The following CNTN5 variants were observed in gnomAD, a reference collection of about 807,000 sequenced individuals.
The protein encoded by CNTN5 is contactin-5.
CNTN5 carries 77 observed loss-of-function variants against 129.1 expected under a neutral mutation model. The observed-to-expected ratio is 0.60, with a 90% confidence interval of 0.50 to 0.72. The LOEUF (loss-of-function observed/expected upper bound fraction) is 0.72, where lower values mean the gene tolerates loss of function less well. Ranked by LOEUF, CNTN5 falls within the 30% of genes least tolerant of loss-of-function variation. The probability of loss-of-function intolerance (pLI) is 0.00; values close to 1 mark genes in which losing one functional copy is unlikely to be tolerated. For missense variants in CNTN5, 1,478 were observed against 1,328.8 expected (o/e 1.11, Z -1.75); for synonymous variants, 509 against 465.6 (o/e 1.09, Z -1.20).
At chr11:99,850,976 T>G (rs1050698502) in intron 6 of CNTN5, among the ~76,000 whole-genome samples, 6 of 152,196 alleles carry the variant, frequency 3.9e-5, no homozygotes, top group African/African-American at 1.2e-4. Flanking sequence ...TAACCGGAAC[T>G]AGAATTTAAT....
intron 1 of CNTN5, among the ~76,000 whole-genome samples, chr11:99,324,192 A>C (rs1865688824): frequency 6.6e-6 from 1 of 152,220 alleles, no homozygotes; most frequent in Admixed American, 6.5e-5. Flanking sequence ...AACTACAAGC[A>C]ACTGAAATAC....
At chr11:99,920,802 A>G (rs1015204013) in intron 7 of CNTN5, among the ~76,000 whole-genome samples, 3 of 152,120 alleles carry the variant, frequency 2.0e-5, no homozygotes, top group Non-Finnish European at 4.4e-5. Flanking sequence ...TCACTTACCA[A>G]AACACTTGCC....
intron 3 of CNTN5, among the ~76,000 whole-genome samples, chr11:99,771,471 ACAAG>A (rs1282681047): frequency 6.6e-6 from 1 of 152,050 alleles, no homozygotes; most frequent in African/African-American, 2.4e-5. Flanking sequence ...TTTGGCCATA[ACAAG>A]CAAGAAATTC....
At chr11:99,319,089 A>G (rs1414991206) in intron 1 of CNTN5, among the ~76,000 whole-genome samples, 1 of 152,150 alleles carries the variant, frequency 6.6e-6, no homozygotes, top group Non-Finnish European at 1.5e-5. Context: ...CTGTGGGGGA[A>G]AAAGCAAAAC....
intron 1 of CNTN5, among the ~76,000 whole-genome samples, chr11:99,285,294 A>G (rs1266204352): frequency 6.6e-6 from 1 of 152,144 alleles, no homozygotes; most frequent in East Asian, 1.9e-4. Context: ...TACTTCCTTT[A>G]GTGTTAAAAA....
chr11:100,235,280 C>T (rs954916553), intron 16 of CNTN5, among the ~76,000 whole-genome samples: 6 of 152,062 alleles, frequency 3.9e-5, no homozygotes, highest in African/African-American at 1.4e-4. Context: ...CTTTGGCGTG[C>T]CTTTTGAATA....
rs185794394 is a variant in CNTN5 at position 99,858,736 on chromosome 11, T to A, written c.577+13474T>A. On this transcript the variant is annotated intron_variant, in intron 6 of 24. Transcript: ENST00000524871. ...TAATTGATTTACCTCATTTTAGAAA[T>A]GAAAAAAAAAGGCTTTGCTCATAAA... Among the ~76,000 whole-genome samples, 1,031 of 123,812 alleles carry A rather than the reference T, an allele frequency of 8.3e-3. 20 individuals carry two copies. Among genetic ancestry groups the A allele is most frequent in the African/African-American group, 0.03 (982 of 33,164 alleles). The allele number at this position is 123,812 out of a possible 152,430, so 81.2% of individuals were successfully genotyped here.
chr11:99,596,042 A>T (rs1348623940), intron 3 of CNTN5, among the ~76,000 whole-genome samples: 1 of 152,104 alleles, frequency 6.6e-6, no homozygotes, highest in African/African-American at 2.4e-5. Flanking sequence ...AAGTTTGAGG[A>T]TCACTGATCT....
At chr11:99,505,343 TCAGTACTC>T (rs1213227950) in intron 2 of CNTN5, among the ~76,000 whole-genome samples, 4 of 152,226 alleles carry the variant, frequency 2.6e-5, no homozygotes, top group African/African-American at 9.6e-5. Context: ...GCATTGATTA[TCAGTACTC>T]TTTGTCCTGC....
chr11:99,864,688 G>A (rs1232210844), intron 6 of CNTN5, among the ~76,000 whole-genome samples: 10 of 152,074 alleles, frequency 6.6e-5, no homozygotes, highest in Admixed American at 2.6e-4. Context: ...TTTAAAAATC[G>A]ACTTCTTTTG....
intron 13 of CNTN5, among the ~76,000 whole-genome samples, chr11:100,094,507 G>A (rs894122738): frequency 5.9e-5 from 9 of 152,010 alleles, no homozygotes; most frequent in South Asian, 2.1e-4. Context: ...GTTATCAAAC[G>A]TTTAAATAAT....
intron 1 of CNTN5, among the ~76,000 whole-genome samples, chr11:99,071,865 C>A (rs762702948): frequency 6.6e-6 from 1 of 151,808 alleles, no homozygotes; most frequent in Non-Finnish European, 1.5e-5. Context: ...ATAGGAAATA[C>A]AAATACTCCA....
At chr11:99,569,601 C>A (rs1048041219) in intron 3 of CNTN5, among the ~76,000 whole-genome samples, 1 of 152,144 alleles carries the variant, frequency 6.6e-6, no homozygotes, top group Non-Finnish European at 1.5e-5. Context: ...CTTGAGCCAC[C>A]ATTTTTAAGA....
intron 6 of CNTN5, among the ~76,000 whole-genome samples, chr11:99,852,840 T>G (rs995216779): frequency 6.6e-6 from 1 of 152,212 alleles, no homozygotes; most frequent in Non-Finnish European, 1.5e-5. Context: ...CACATTTACT[T>G]AATTAATTGT....
At chr11:99,888,858 G>A (rs140755116) in intron 6 of CNTN5, among the ~76,000 whole-genome samples, 61 of 152,292 alleles carry the variant, frequency 4.0e-4, no homozygotes, top group African/African-American at 1.3e-3. Flanking sequence ...ACTGCGTGAC[G>A]CAGGGCAAAT....
intron 6 of CNTN5, among the ~76,000 whole-genome samples, chr11:99,902,112 A>G (rs1234746163): frequency 6.6e-6 from 1 of 152,208 alleles, no homozygotes; most frequent in East Asian, 1.9e-4. Context: ...CAATGACATG[A>G]ACTGGCAATA....
In CNTN5 at chr11:100,308,225, TTG is replaced by T. The variant is rs1305260771; in HGVS notation, c.2621-130_2621-129del. 3 of 700,402 alleles carry T rather than the reference TTG, an allele frequency of 4.3e-6. 1 individual carries two copies. Among genetic ancestry groups the T allele is most frequent in the Admixed American group, 3.1e-5 (1 of 31,980 alleles). 43.4% of individuals were successfully genotyped at this position (700,402 alleles called of 1,614,324 possible). A position where few individuals can be genotyped will look rare whatever the true frequency, so the allele number is the denominator to read the frequency against. On this transcript the variant is annotated intron_variant, in intron 20 of 24. Transcript: ENST00000524871. ...CCAAAAGGATCACCTTTATATTTTG[TTG>T]TGTTTTTTATAACTACCACAGCACT...
intron 1 of CNTN5, among the ~76,000 whole-genome samples, chr11:99,052,152 T>C (rs1243469605): frequency 6.6e-6 from 1 of 151,844 alleles, no homozygotes; most frequent in Non-Finnish European, 1.5e-5. Context: ...TGTAAGGATA[T>C]TGTATGCATG....
chr11:99,083,835 G>A (rs1056720334), intron 1 of CNTN5, among the ~76,000 whole-genome samples: 6 of 152,200 alleles, frequency 3.9e-5, no homozygotes, highest in African/African-American at 4.8e-5. Flanking sequence ...AGTGAGCACC[G>A]CACCAGGCCC....
Sources: allele counts gnomAD v4.1 joint callset (sites outside exome capture counted in the v4.1 genomes callset), GRCh38; gene constraint gnomAD v4.1.1; transcripts MANE v1.5; gene names NCBI Gene and HGNC (gene_info 2026-07-23, HGNC 2026-07-21).